The following SCAF4 variants were observed in gnomAD, a reference collection of about 807,000 sequenced individuals.
SCAF4 encodes the protein SR-related and CTD-associated factor 4.
In SCAF4, 25 loss-of-function variants were observed where a neutral mutation model predicts 129.8. The ratio of observed to expected loss-of-function variants is 0.19; its 90% CI spans 0.14 to 0.27. The LOEUF is 0.27. SCAF4 is among the 10% of genes least tolerant of loss of function. The pLI is 1.00. For missense variants in SCAF4, 1,246 were observed against 1,457.1 expected, an observed-to-expected ratio of 0.86 and a Z score of 2.36; for synonymous variants, 551 against 497.7, an observed-to-expected ratio of 1.11 and a Z score of -1.43.
At chr21:31,713,129 A>T (rs2050844808) in intron 1 of SCAF4, among the ~76,000 whole-genome samples, 1 of 152,250 alleles carries the variant, frequency 6.6e-6, no homozygotes, top group Admixed American at 6.5e-5. Context: ...TGTCTAAAGC[A>T]AAGTTGCAAT....
At chr21:31,726,941 T>C (rs985601257) in intron 1 of SCAF4, among the ~76,000 whole-genome samples, 5 of 152,108 alleles carry the variant, frequency 3.3e-5, no homozygotes, top group Admixed American at 2.6e-4. Flanking sequence ...TTTGATTGCC[T>C]CTCCTGCAAG....
In SCAF4 at chr21:31,678,729, C is replaced by T. The variant is rs531861196; in HGVS notation, c.2488+6320G>A. Among the ~76,000 whole-genome samples the T allele has an allele frequency of 9.2e-5, 14 of 152,270 alleles. 1 individual carries two copies. In the South Asian group the frequency reaches 2.3e-3, roughly 25 times the overall value. ...TTGGTCCTCACTCTACATTCCTTTC[C>T]TCTGTATTTACATGGGGATATTCTC... is the stretch of plus-strand genomic sequence containing the variant. On this transcript the variant is annotated intron_variant, in intron 19 of 19. Transcript: ENST00000286835.
chr21:31,699,434 A>G (rs2050466027), intron 7 of SCAF4, among the ~76,000 whole-genome samples: 1 of 152,086 alleles, frequency 6.6e-6, no homozygotes, highest in Admixed American at 6.5e-5. Flanking sequence ...GCAAGAATAT[A>G]CACGAACAAA....
chr21:31,707,674 T>C lies in SCAF4; in HGVS notation c.31-1317A>G, dbSNP rs2050700209. On this transcript the variant is annotated intron_variant, in intron 1 of 19. Transcript: ENST00000286835. Reference sequence around the variant, plus strand: ...ATCACATTTCCATTCTTTCAATTTATGTCAATATTCCAAATATGGAGCCCT... The same window carrying C: ...ATCACATTTCCATTCTTTCAATTTACGTCAATATTCCAAATATGGAGCCCT... 2.0e-5 allele frequency among the ~76,000 whole-genome samples: 3 copies of C among 152,350 alleles called. 1 individual carries two copies. The South Asian group carries it at 6.2e-4, about 32-fold the overall frequency.
chr21:31,702,387 G>T lies in SCAF4; in HGVS notation c.322-8C>A, dbSNP rs201050474. ...CACACGAACTATTTTACTCTGTTAC[G>T]CATGAGAAACACAAATATACAATAA... On this transcript the variant is annotated splice_region_variant and splice_polypyrimidine_tract_variant and intron_variant, in intron 4 of 19. Coordinates refer to ENST00000286835, the MANE Select transcript of SCAF4 (RefSeq NM_020706.2). 7.3e-5 allele frequency: 117 copies of T among 1,610,612 alleles called. No individual in the cohort carries two copies. Among genetic ancestry groups the T allele is most frequent in the Non-Finnish European group, 9.9e-5 (117 of 1,178,284 alleles).
intron 17 of SCAF4, 29 bp from the exon 18 acceptor site, chr21:31,685,513 T>C (rs765858143): frequency 1.9e-6 from 3 of 1,613,446 alleles, no homozygotes; most frequent in Admixed American, 1.7e-5. Context: ...TGTCAACTTA[T>C]GCTGTATCAC....
At chr21:31,729,566 T>C in intron 1 of SCAF4, among the ~76,000 whole-genome samples, 1 of 152,304 alleles carries the variant, frequency 6.6e-6, no homozygotes, top group South Asian at 2.1e-4. Context: ...CAAGATTATA[T>C]GGGGAACGAA....
chr21:31,699,023 G>C (rs2050454673), intron 7 of SCAF4, among the ~76,000 whole-genome samples: 2 of 152,114 alleles, frequency 1.3e-5, no homozygotes, highest in South Asian at 4.1e-4. Context: ...AAAGTATGAG[G>C]GGGAGTTTGA....
intron 1 of SCAF4, among the ~76,000 whole-genome samples, chr21:31,728,065 C>T (rs2051252959): frequency 6.6e-6 from 1 of 152,150 alleles, no homozygotes; most frequent in Non-Finnish European, 1.5e-5. Context: ...ACTACTGCTT[C>T]TGATTTGTCC....
In SCAF4 at chr21:31,731,925, G is replaced by T; in HGVS notation, c.-233C>A. On this transcript the variant is annotated 5_prime_UTR_variant, in exon 1 of 20. Coordinates refer to ENST00000286835, the MANE Select transcript of SCAF4 (RefSeq NM_020706.2). ...GTCCCGTTCGCAGGATGAGGAAAAG[G>T]AGGCGGCGGCAGCGCTGGTCTTCAA... The T allele has an allele frequency of 4.1e-6, 2 of 490,288 alleles. No homozygotes were observed. The highest frequency in any genetic ancestry group is 7.1e-6 in the Non-Finnish European group (2 of 282,672). The allele number at this position is 490,288 out of a possible 1,614,324, so 30.4% of individuals were successfully genotyped here.
At chr21:31,717,021 CA>C (rs777004992) in intron 1 of SCAF4, among the ~76,000 whole-genome samples, 194 of 152,196 alleles carry the variant, frequency 1.3e-3, no homozygotes, top group Admixed American at 3.3e-3. Flanking sequence ...AAAAAGTGTT[CA>C]ACCATACCAA....
intron 7 of SCAF4, 127 bp from the exon 8 acceptor site, chr21:31,696,877 C>T: frequency 1.3e-6 from 1 of 762,540 alleles, no homozygotes; most frequent in East Asian, 2.6e-5. Flanking sequence ...TCTTATTTTC[C>T]CTTATGCCCC....
chr21:31,693,295 A>G lies in SCAF4; in HGVS notation c.1512T>C (p.Ser504=). 1 of 1,468,602 alleles carries G rather than the reference A, an allele frequency of 6.8e-7. No homozygotes were observed. Among genetic ancestry groups the G allele is most frequent in the Non-Finnish European group, 9.2e-7 (1 of 1,091,200 alleles). The allele number at this position is 1,468,602 out of a possible 1,614,324, so 91.0% of individuals were successfully genotyped here. Residue 504 remains serine, a splice_region_variant and synonymous_variant, in exon 12 of 20, where the codon AGT becomes AGC. Transcript: ENST00000286835. ...GLPQVKPETA[S]VCSTTLWVGQ... ...GTTTGAATATAAAGGTTGAGTTACCACTTGCAGTTTCCGGTTTCACTTGAG... is the reference window on the plus strand; with the variant it reads ...GTTTGAATATAAAGGTTGAGTTACCGCTTGCAGTTTCCGGTTTCACTTGAG...
At chr21:31,706,478 G>C (rs1008969686) in intron 1 of SCAF4, 121 bp from the exon 2 acceptor site, 171 of 660,372 alleles carry the variant, frequency 2.6e-4, no homozygotes, top group Non-Finnish European at 3.9e-4. Flanking sequence ...TGGTGAGGGG[G>C]GTCTTAGCAG....
At chr21:31,702,162 C>G in intron 5 of SCAF4, 82 bp downstream of exon 5, 1 of 1,553,120 alleles carries the variant, frequency 6.4e-7, no homozygotes, top group Non-Finnish European at 8.8e-7. Context: ...TAGAAAAATT[C>G]CTTCAATACA....
intron 1 of SCAF4, among the ~76,000 whole-genome samples, chr21:31,720,052 G>C (rs755219413): frequency 2.0e-4 from 31 of 152,168 alleles, no homozygotes; most frequent in Non-Finnish European, 3.8e-4. Flanking sequence ...ATCCATGCCA[G>C]TGCTCTCCTT....
chr21:31,704,985 G>A (rs769601382), intron 3 of SCAF4, among the ~76,000 whole-genome samples: 1 of 152,162 alleles, frequency 6.6e-6, no homozygotes, highest in Non-Finnish European at 1.5e-5. Flanking sequence ...ATTTTCTACT[G>A]AGACAGATGT....
intron 19 of SCAF4, among the ~76,000 whole-genome samples, chr21:31,676,906 C>T (rs2049870516): frequency 6.6e-6 from 1 of 152,148 alleles, no homozygotes; most frequent in African/African-American, 2.4e-5. Context: ...TTTTCTGTCT[C>T]TGTGGGTTTA....
chr21:31,693,880 T>C (rs2123541613), intron 11 of SCAF4, among the ~76,000 whole-genome samples: 1 of 152,334 alleles, frequency 6.6e-6, no homozygotes, highest in African/African-American at 2.4e-5. Context: ...CTTTCCACTT[T>C]TGCTGGCTGA....
Sources: allele counts gnomAD v4.1 joint callset (sites outside exome capture counted in the v4.1 genomes callset), GRCh38; gene constraint gnomAD v4.1.1; transcripts MANE v1.5; gene names NCBI Gene and HGNC (gene_info 2026-07-23, HGNC 2026-07-21).